The following SDK1 variants were observed in gnomAD, a reference collection of about 807,000 sequenced individuals.
SDK1 encodes protein sidekick-1.
A neutral mutation model predicts 245.5 loss-of-function variants in SDK1; 157 were observed. The observed-to-expected ratio is 0.64, with a 90% confidence interval of 0.56 to 0.73. SDK1 has a LOEUF of 0.73. Among genes scored for constraint, SDK1 ranks in the 30% least tolerant of loss-of-function variants. The pLI is 0.00. For missense variants in SDK1, 3,583 were observed against 3,002.3 expected, an observed-to-expected ratio of 1.19 and a Z score of -4.52; for synonymous variants, 1,647 against 1,278.5, an observed-to-expected ratio of 1.29 and a Z score of -6.15.
At position 3,977,665 on chromosome 7, in the gene SDK1, G is replaced by T. The variant is rs552700966; in HGVS notation, c.1994+3120G>T. 4.6e-5 allele frequency among the ~76,000 whole-genome samples: 7 copies of T among 152,344 alleles called. No homozygotes were observed. In the East Asian group the frequency reaches 1.4e-3, roughly 29 times the overall value. On this transcript the variant is annotated intron_variant, in intron 13 of 44. Transcript: ENST00000404826. ...CGGTTCAGTTACCAGGATGCTGCCT[G>T]CAGTTCTTCCCTGCGCGCAGCTGAT...
At chr7:3,327,879 G>A (rs559541590) in intron 1 of SDK1, among the ~76,000 whole-genome samples, 84 of 152,206 alleles carry the variant, frequency 5.5e-4, no homozygotes, top group Non-Finnish European at 1.0e-3. Flanking sequence ...AACACTTCTG[G>A]CACAGAGGGT....
intron 4 of SDK1, among the ~76,000 whole-genome samples, chr7:3,682,626 T>A (rs908634910): frequency 4.7e-5 from 1 of 21,504 alleles, no homozygotes; most frequent in Non-Finnish European, 1.2e-4. Flanking sequence ...GAGAATTTTT[T>A]TCTTTTTACA....
intron 5 of SDK1, among the ~76,000 whole-genome samples, chr7:3,862,556 A>G (rs531318739): frequency 6.6e-6 from 1 of 152,324 alleles, no homozygotes; most frequent in Admixed American, 6.5e-5. Flanking sequence ...ATGCTTCCTA[A>G]TTCCTGAGTT....
intron 1 of SDK1, among the ~76,000 whole-genome samples, chr7:3,613,886 A>G (rs1781681589): frequency 6.6e-6 from 1 of 152,156 alleles, no homozygotes; most frequent in Admixed American, 6.5e-5. Flanking sequence ...AAAACCAAAT[A>G]CCACATGTTC....
At chr7:4,126,491 C>T (rs553648731) in intron 25 of SDK1, among the ~76,000 whole-genome samples, 7 of 152,152 alleles carry the variant, frequency 4.6e-5, no homozygotes, top group African/African-American at 9.7e-5. Flanking sequence ...GAGGCCGAGG[C>T]GGACAAATCA....
chr7:3,918,789 C>T (rs779830974), intron 5 of SDK1, among the ~76,000 whole-genome samples: 14 of 152,088 alleles, frequency 9.2e-5, no homozygotes, highest in Non-Finnish European at 1.5e-4. Context: ...GCTGGACCGG[C>T]GGTTCTACCG....
chr7:3,809,877 C>T (rs1024329266), intron 4 of SDK1, among the ~76,000 whole-genome samples: 6 of 152,116 alleles, frequency 3.9e-5, no homozygotes, highest in African/African-American at 9.7e-5. Context: ...TGTCAGGAAT[C>T]GAGAATTACC....
At chr7:4,037,309 G>C (rs28673769) in intron 17 of SDK1, among the ~76,000 whole-genome samples, 1 of 152,124 alleles carries the variant, frequency 6.6e-6, no homozygotes, top group Non-Finnish European at 1.5e-5. Flanking sequence ...TGTAGCGTGA[G>C]TCTGAATCTC....
intron 1 of SDK1, among the ~76,000 whole-genome samples, chr7:3,428,401 A>G (rs1252088283): frequency 2.0e-5 from 3 of 152,238 alleles, no homozygotes; most frequent in Admixed American, 1.3e-4. Context: ...TGTTATAACC[A>G]TTTCACAAAG....
intron 1 of SDK1, among the ~76,000 whole-genome samples, chr7:3,498,384 G>C (rs938068824): frequency 6.6e-6 from 1 of 152,108 alleles, no homozygotes; most frequent in African/African-American, 2.4e-5. Context: ...CTAGACGTGA[G>C]CTCATTACCT....
At chr7:4,201,731 T>C in intron 35 of SDK1, among the ~76,000 whole-genome samples, 1 of 148,806 alleles carries the variant, frequency 6.7e-6, no homozygotes, top group Non-Finnish European at 1.5e-5. Flanking sequence ...CAGGGTGGCT[T>C]TGGCAACAAC....
chr7:4,146,360 CCTT>C (rs975409432), intron 29 of SDK1, among the ~76,000 whole-genome samples: 14 of 150,112 alleles, frequency 9.3e-5, no homozygotes, highest in Middle Eastern at 3.3e-3. Flanking sequence ...TGCATTCACA[CCTT>C]CTGCCTCACA....
chr7:3,326,270 A>G (rs1025798886), intron 1 of SDK1, among the ~76,000 whole-genome samples: 1 of 152,188 alleles, frequency 6.6e-6, no homozygotes, highest in Non-Finnish European at 1.5e-5. Context: ...TTATATACAT[A>G]TGTAAAAGTG....
At position 4,011,103 on chromosome 7, in the gene SDK1, G is replaced by A. The variant is rs989964335; in HGVS notation, c.2269G>A (p.Glu757Lys). Residue 757 changes from glutamate to lysine, a missense_variant, in exon 15 of 45, where the codon GAG (glutamate) becomes AAG (lysine). Glu to Lys is a moderately conservative substitution (Grantham distance 56). Coordinates refer to ENST00000404826, the MANE Select transcript of SDK1 (RefSeq NM_152744.4). ...AGTGGGCAGGGGCCAGTACAGCGCCGAGACAAGCAGGTGCGTGAATCCCGC... is the reference window on the plus strand; with the variant it reads ...AGTGGGCAGGGGCCAGTACAGCGCCAAGACAAGCAGGTGCGTGAATCCCGC... ...NEVGRGQYSA[E>K]TSRLMLPEEP... is the part of the protein sequence containing the mutation. The A allele has an allele frequency of 7.4e-6, 12 of 1,613,718 alleles. No homozygotes were observed. The highest frequency in any genetic ancestry group is 2.2e-5 in the East Asian group (1 of 44,870).
intron 19 of SDK1, among the ~76,000 whole-genome samples, chr7:4,057,310 G>A (rs895731527): frequency 2.0e-5 from 3 of 152,212 alleles, no homozygotes; most frequent in African/African-American, 7.2e-5. Flanking sequence ...GGCTCACCCT[G>A]CCCTGTCCAC....
At chr7:3,635,869 C>T (rs1303028767) in intron 2 of SDK1, among the ~76,000 whole-genome samples, 8 of 152,086 alleles carry the variant, frequency 5.3e-5, no homozygotes, top group Admixed American at 5.2e-4. Context: ...CCACACTTGG[C>T]TAATTTTTGT....
At chr7:4,218,639 C>T (rs1252562349) in intron 38 of SDK1, among the ~76,000 whole-genome samples, 1 of 152,124 alleles carries the variant, frequency 6.6e-6, no homozygotes, top group Non-Finnish European at 1.5e-5. Flanking sequence ...TAGCAGCGCA[C>T]GACCCTCCCG....
intron 28 of SDK1, among the ~76,000 whole-genome samples, chr7:4,144,874 C>T (rs1310602737): frequency 1.3e-5 from 2 of 152,156 alleles, no homozygotes; most frequent in African/African-American, 2.4e-5. Context: ...GAAGCCACAG[C>T]GCCCCGTCAT....
intron 1 of SDK1, among the ~76,000 whole-genome samples, chr7:3,483,790 C>G (rs770658142): frequency 3.3e-5 from 5 of 152,086 alleles, no homozygotes; most frequent in Admixed American, 6.5e-5. Flanking sequence ...GATGTTTCTC[C>G]TTTAATACAT....
Sources: allele counts gnomAD v4.1 joint callset (sites outside exome capture counted in the v4.1 genomes callset), GRCh38; gene constraint gnomAD v4.1.1; transcripts MANE v1.5; gene names NCBI Gene and HGNC (gene_info 2026-07-23, HGNC 2026-07-21).